The following WDFY3 variants were observed in gnomAD, a reference collection of about 807,000 sequenced individuals.
WDFY3 encodes WD repeat and FYVE domain-containing protein 3.
A neutral mutation model predicts 409.6 loss-of-function variants in WDFY3; 66 were observed. That is an observed-to-expected ratio of 0.16 (90% CI 0.13 to 0.20). The LOEUF (loss-of-function observed/expected upper bound fraction) is 0.20, where lower values mean the gene tolerates loss of function less well. Ranked by LOEUF, WDFY3 falls within the 10% of genes least tolerant of loss-of-function variation. The pLI is 1.00. For synonymous variants in WDFY3, 1,521 were observed against 1,537.1 expected (o/e 0.99, Z 0.25); for missense variants, 3,031 against 4,298.1 (o/e 0.71, Z 8.24).
At chr4:84,937,743 C>T (rs1352068509) in intron 1 of WDFY3, among the ~76,000 whole-genome samples, 2 of 152,064 alleles carry the variant, frequency 1.3e-5, no homozygotes, top group African/African-American at 4.8e-5. Context: ...TAAAATTTGG[C>T]CCCTATTACC....
At chr4:84,863,816 G>A (rs1760998996) in intron 3 of WDFY3, among the ~76,000 whole-genome samples, 1 of 152,116 alleles carries the variant, frequency 6.6e-6, no homozygotes, top group South Asian at 2.1e-4. Context: ...ACCATTCCAT[G>A]TTCTCAGAAC....
At chr4:84,784,235 T>G (rs1747076120) in intron 24 of WDFY3, among the ~76,000 whole-genome samples, 1 of 152,202 alleles carries the variant, frequency 6.6e-6, no homozygotes, top group South Asian at 2.1e-4. Flanking sequence ...TCCATTTCCC[T>G]ATCTACATCT....
At chr4:84,769,367 G>A (rs796697339) in intron 30 of WDFY3, among the ~76,000 whole-genome samples, 3 of 152,212 alleles carry the variant, frequency 2.0e-5, no homozygotes, top group African/African-American at 7.2e-5. Flanking sequence ...GTGAAAGGAA[G>A]AGTCCATTGT....
chr4:84,925,933 C>T (rs1175914313), intron 2 of WDFY3, among the ~76,000 whole-genome samples: 1 of 151,806 alleles, frequency 6.6e-6, no homozygotes, highest in Non-Finnish European at 1.5e-5. Flanking sequence ...ATTCATTAAA[C>T]ATTTTTGCAT....
rs532882483 is a variant in WDFY3 at position 84,721,270 on chromosome 4, G to A, written c.7605+139C>T. On this transcript the variant is annotated intron_variant, in intron 47 of 67. Transcript: ENST00000295888. ...TTACAGATGAGAAAAGTAGAGTACT[G>A]AACCCAAAAGGCTGCTTAAGCTGTA... 12 of 1,152,304 alleles carry A rather than the reference G, an allele frequency of 1.0e-5. 1 individual carries two copies. The South Asian group carries it at 1.2e-4, about 12-fold the overall frequency. The allele number at this position is 1,152,304 out of a possible 1,614,324, so 71.4% of individuals were successfully genotyped here. A position where few individuals can be genotyped will look rare whatever the true frequency, so the allele number is the denominator to read the frequency against.
intron 3 of WDFY3, among the ~76,000 whole-genome samples, chr4:84,890,979 C>T (rs889493826): frequency 1.3e-5 from 2 of 152,084 alleles, no homozygotes; most frequent in African/African-American, 2.4e-5. Context: ...TTAAGTGCCA[C>T]AAAACATTAT....
chr4:84,724,768 T>A (rs1735395115), intron 45 of WDFY3, among the ~76,000 whole-genome samples, 174 bp from the exon 46 acceptor site: 2 of 152,236 alleles, frequency 1.3e-5, no homozygotes, highest in South Asian at 4.1e-4. Flanking sequence ...TATTTTAAAA[T>A]TCTATTGATT....
At chr4:84,817,006 A>G (rs1042652750) in intron 13 of WDFY3, among the ~76,000 whole-genome samples, 1 of 152,136 alleles carries the variant, frequency 6.6e-6, no homozygotes, top group African/African-American at 2.4e-5. Flanking sequence ...TCCATTACTT[A>G]CATACATACA....
intron 1 of WDFY3, among the ~76,000 whole-genome samples, chr4:84,951,275 T>C (rs1401950766): frequency 1.3e-5 from 2 of 152,242 alleles, no homozygotes; most frequent in Non-Finnish European, 2.9e-5. Context: ...GTTTTTATCA[T>C]ATTTTTTCCA....
chr4:84,794,625 G>C lies in WDFY3; in HGVS notation c.3381C>G (p.Arg1127=). 1 of 1,613,976 alleles carries C rather than the reference G, an allele frequency of 6.2e-7. No individual in the cohort carries two copies. The highest frequency in any genetic ancestry group is 8.5e-7 in the Non-Finnish European group (1 of 1,180,004). ...AATGTTGCTCAGAAGAATTTGCTCG[G>C]CGCACAACAGTAAGAAGTCTGACAG... is the stretch of plus-strand genomic sequence containing the variant. The part of the protein sequence containing the change: ...NHPVRLLTVV[R]RANSSEQHYV... Residue 1127 remains arginine, a synonymous_variant, in exon 21 of 68, where the codon CGC becomes CGG. Transcript: ENST00000295888.
intron 15 of WDFY3, among the ~76,000 whole-genome samples, chr4:84,805,212 TTA>T (rs1182067663): frequency 1.3e-5 from 2 of 152,154 alleles, no homozygotes; most frequent in Non-Finnish European, 2.9e-5. Context: ...AGATATCTCA[TTA>T]TATATATTGC....
chr4:84,747,838 CATGCTGAATT>C (rs1739758577), intron 36 of WDFY3, among the ~76,000 whole-genome samples: 1 of 152,040 alleles, frequency 6.6e-6, no homozygotes, highest in African/African-American at 2.4e-5. Flanking sequence ...CATCCCCAGC[CATGCTGAATT>C]ATGAGTCAAT....
chr4:84,810,409 A>C, intron 13 of WDFY3, 65 bp from the exon 14 acceptor site: 8 of 1,218,390 alleles, frequency 6.6e-6, no homozygotes, highest in Non-Finnish European at 6.7e-6. Flanking sequence ...AAAAACCACT[A>C]TGCATGTATA....
At chr4:84,844,457 T>C in intron 5 of WDFY3, 1 of 1,289,632 alleles carries the variant, frequency 7.8e-7, no homozygotes, top group South Asian at 1.2e-5. Flanking sequence ...TGAAATTACC[T>C]GAAGGTGTTG....
chr4:84,758,764 T>C (rs1421963275), intron 32 of WDFY3, among the ~76,000 whole-genome samples: 1 of 152,210 alleles, frequency 6.6e-6, no homozygotes, highest in African/African-American at 2.4e-5. Context: ...CTTTCCCATA[T>C]CATTCCTTAA....
intron 46 of WDFY3, 114 bp downstream of exon 46, chr4:84,724,312 A>G: frequency 8.3e-7 from 1 of 1,200,106 alleles, no homozygotes; most frequent in Non-Finnish European, 1.2e-6. Context: ...TAAAATGTGT[A>G]TGGATATTTT....
At chr4:84,809,089 C>T (rs1752034069) in intron 14 of WDFY3, 1 of 152,170 alleles carries the variant, frequency 6.6e-6, no homozygotes, top group Non-Finnish European at 1.5e-5. Context: ...AAAGCAATAA[C>T]ACTTGGGGCA....
intron 3 of WDFY3, among the ~76,000 whole-genome samples, chr4:84,864,196 G>T (rs1210737565): frequency 6.6e-6 from 1 of 151,772 alleles, no homozygotes; most frequent in Non-Finnish European, 1.5e-5. Context: ...GTGAAATCCT[G>T]TCTCTACTAA....
chr4:84,941,689 T>C (rs1772150304), intron 1 of WDFY3, among the ~76,000 whole-genome samples: 1 of 151,778 alleles, frequency 6.6e-6, no homozygotes. Context: ...GACTCTAAAA[T>C]TTACACAAAA....
Sources: allele counts gnomAD v4.1 joint callset (sites outside exome capture counted in the v4.1 genomes callset), GRCh38; gene constraint gnomAD v4.1.1; transcripts MANE v1.5; gene names NCBI Gene and HGNC (gene_info 2026-07-23, HGNC 2026-07-21).